The following IMMP2L variants were observed in gnomAD, a reference collection of about 807,000 sequenced individuals.
The protein encoded by IMMP2L is inner mitochondrial membrane peptidase subunit 2.
A neutral mutation model predicts 19.3 loss-of-function variants in IMMP2L; 18 were observed. The observed-to-expected ratio is 0.93, with a 90% CI of 0.64 to 1.38. The LOEUF (loss-of-function observed/expected upper bound fraction) is 1.38, where lower values mean the gene tolerates loss of function less well. Ranked by LOEUF, IMMP2L falls within the 40% of genes most tolerant of loss-of-function variation. The probability of loss-of-function intolerance (pLI) is 0.00; values close to 1 mark genes in which losing one functional copy is unlikely to be tolerated. For missense variants in IMMP2L, 233 were observed against 218.2 expected, an observed-to-expected ratio of 1.07 and a Z score of -0.43; for synonymous variants, 76 against 73.0, an observed-to-expected ratio of 1.04 and a Z score of -0.21.
At chr7:110,814,334 C>T (rs1370263900) in intron 5 of IMMP2L, among the ~76,000 whole-genome samples, 1 of 151,288 alleles carries the variant, frequency 6.6e-6, no homozygotes. Flanking sequence ...TTGGAACCTA[C>T]ATAATTTTAT....
At chr7:111,490,878 C>A (rs922489164) in intron 2 of IMMP2L, among the ~76,000 whole-genome samples, 2 of 152,098 alleles carry the variant, frequency 1.3e-5, no homozygotes, top group Non-Finnish European at 2.9e-5. Context: ...AACAGCTTTA[C>A]AAATATAGTT....
At chr7:111,322,928 A>T (rs1274751444) in intron 3 of IMMP2L, among the ~76,000 whole-genome samples, 2 of 149,642 alleles carry the variant, frequency 1.3e-5, no homozygotes, top group Non-Finnish European at 1.5e-5. Flanking sequence ...TACTTACATA[A>T]TTTTTTTTTT....
At chr7:110,860,942 A>G (rs1277948888) in intron 5 of IMMP2L, among the ~76,000 whole-genome samples, 1 of 152,124 alleles carries the variant, frequency 6.6e-6, no homozygotes, top group Non-Finnish European at 1.5e-5. Flanking sequence ...ATAAAAATGT[A>G]TGTAATGAAT....
At chr7:111,214,504 GT>G (rs71151836) in intron 3 of IMMP2L, among the ~76,000 whole-genome samples, 6,334 of 96,992 alleles carry the variant, frequency 0.065, 172 homozygotes, top group African/African-American at 0.094. Flanking sequence ...CACCAAATCT[GT>G]TTTTTTTTTT....
In IMMP2L at chr7:111,505,416, T is replaced by C. The variant is rs1034300176; in HGVS notation, c.135+15897A>G. ...TCAACCATTGTGGAAGTCAGTGTGG[T>C]GATTCCTCAGGGATCTAGAACTAGA... On this transcript the variant is annotated intron_variant, in intron 2 of 5. Transcript: ENST00000405709. Among the ~76,000 whole-genome samples the C allele has an allele frequency of 4.0e-5, 6 of 151,864 alleles. No homozygotes were observed. The South Asian group carries it at 6.3e-4, about 16-fold the overall frequency.
intron 3 of IMMP2L, among the ~76,000 whole-genome samples, chr7:111,345,607 TA>T (rs1563084218): frequency 6.6e-6 from 1 of 151,432 alleles, no homozygotes; most frequent in African/African-American, 2.4e-5. Flanking sequence ...TGCTTGAAAA[TA>T]ACATGATATG....
chr7:110,919,878 C>T lies in IMMP2L; in HGVS notation c.306-33183G>A, dbSNP rs142256082. 1.1e-3 allele frequency among the ~76,000 whole-genome samples: 171 copies of T among 152,228 alleles called. 1 individual carries two copies. Among genetic ancestry groups the T allele is most frequent in the Middle Eastern group, 3.4e-3 (1 of 294 alleles). On this transcript the variant is annotated intron_variant, in intron 4 of 5. Transcript: ENST00000405709. ...GTGGACTGGGAGAGGCAGACCCATCCTCAAACTGGCTGGGTACTACGTAAA... is the reference window on the plus strand; with the variant it reads ...GTGGACTGGGAGAGGCAGACCCATCTTCAAACTGGCTGGGTACTACGTAAA...
At chr7:110,896,136 T>A (rs556397800) in intron 4 of IMMP2L, among the ~76,000 whole-genome samples, 1 of 152,244 alleles carries the variant, frequency 6.6e-6, no homozygotes, top group African/African-American at 2.4e-5. Flanking sequence ...TTTTAAAAAG[T>A]AATGACAAAA....
intron 3 of IMMP2L, among the ~76,000 whole-genome samples, chr7:111,019,974 C>G (rs544390675): frequency 6.6e-6 from 1 of 152,124 alleles, no homozygotes; most frequent in Admixed American, 6.5e-5. Context: ...AGGATACTTT[C>G]TCTACATAGC....
intron 5 of IMMP2L, among the ~76,000 whole-genome samples, chr7:110,838,057 G>A (rs1804683131): frequency 6.6e-6 from 1 of 152,046 alleles, no homozygotes; most frequent in Non-Finnish European, 1.5e-5. Context: ...AAAGGCCTTG[G>A]ATTAAGATAT....
At chr7:111,238,097 G>A (rs1814554667) in intron 3 of IMMP2L, among the ~76,000 whole-genome samples, 1 of 152,040 alleles carries the variant, frequency 6.6e-6, no homozygotes, top group Non-Finnish European at 1.5e-5. Context: ...AAACATTAAG[G>A]TCAGTCTTCT....
intron 3 of IMMP2L, among the ~76,000 whole-genome samples, chr7:111,175,041 A>G (rs1806888920): frequency 6.6e-6 from 1 of 151,870 alleles, no homozygotes; most frequent in African/African-American, 2.4e-5. Context: ...ACTGAAAATG[A>G]TTTCTTTTGA....
At chr7:111,441,372 T>C (rs1005482523) in intron 3 of IMMP2L, among the ~76,000 whole-genome samples, 2 of 151,734 alleles carry the variant, frequency 1.3e-5, no homozygotes, top group Non-Finnish European at 2.9e-5. Flanking sequence ...GGGTTATTAA[T>C]TGGCCGAATT....
Position 110,702,512 on chromosome 7 carries a change from T to C in IMMP2L, c.409-38791A>G, listed in dbSNP as rs1562926847. On this transcript the variant is annotated intron_variant, in intron 5 of 5. Transcript: ENST00000405709. ...CTGAATTTGTAAACCAAATCATGGA[T>C]AACTGACATCTTAACAATATGGAGC... is the stretch of plus-strand genomic sequence containing the variant. 2.0e-5 allele frequency among the ~76,000 whole-genome samples: 3 copies of C among 152,314 alleles called. No homozygotes were observed. The East Asian group carries it at 5.8e-4, about 29-fold the overall frequency.
At chr7:110,963,956 C>G (rs1219634514) in intron 3 of IMMP2L, among the ~76,000 whole-genome samples, 2 of 143,744 alleles carry the variant, frequency 1.4e-5, no homozygotes, top group African/African-American at 2.6e-5. Context: ...GGGAGGGGAC[C>G]TGGTGGGAGG....
At chr7:111,043,965 T>C (rs185176619) in intron 3 of IMMP2L, among the ~76,000 whole-genome samples, 81 of 152,328 alleles carry the variant, frequency 5.3e-4, no homozygotes, top group African/African-American at 1.9e-3. Flanking sequence ...GTCCGAAAGA[T>C]ACTGACCCTT....
chr7:111,204,690 T>C (rs770447866), intron 3 of IMMP2L, among the ~76,000 whole-genome samples: 14 of 152,212 alleles, frequency 9.2e-5, no homozygotes, highest in Non-Finnish European at 1.8e-4. Context: ...AGTACTTTCA[T>C]ATAAGAAATG....
intron 3 of IMMP2L, among the ~76,000 whole-genome samples, chr7:111,320,168 A>C (rs1474333946): frequency 3.3e-5 from 5 of 152,076 alleles, no homozygotes; most frequent in African/African-American, 9.7e-5. Context: ...AGGTCACAGA[A>C]CATGTGGTCA....
chr7:111,038,534 C>T (rs997845016), intron 3 of IMMP2L, among the ~76,000 whole-genome samples: 25 of 152,088 alleles, frequency 1.6e-4, no homozygotes, highest in African/African-American at 5.8e-4. Flanking sequence ...ATGCACTGAG[C>T]GGTCACAATA....
Sources: gnomAD v4.1 joint callset for allele counts (sites outside exome capture counted in the v4.1 genomes callset) on GRCh38, gnomAD v4.1.1 for gene constraint, MANE v1.5 for transcripts, NCBI Gene and HGNC (gene_info 2026-07-23, HGNC 2026-07-21) for gene names.